The following BLTP3A variants were observed in gnomAD, a reference collection of about 807,000 sequenced individuals.
BLTP3A encodes the protein bridge-like lipid transfer protein family member 3A.
chr6:34,827,319 G>GA, the BLTP3A span, among the ~76,000 whole-genome samples: 3 of 149,010 alleles, frequency 2.0e-5, no homozygotes, highest in East Asian at 2.0e-4. Context: ...CAAAAAAAAA[G>GA]AAAAAAAACA....
chr6:34,858,330 T>C, the BLTP3A span: 3 of 1,614,104 alleles, frequency 1.9e-6, no homozygotes, highest in Non-Finnish European at 2.5e-6. Context: ...CAGGTGGCTT[T>C]AGCCTTCTGC....
At chr6:34,800,190 G>A in the BLTP3A span, among the ~76,000 whole-genome samples, 5 of 151,888 alleles carry the variant, frequency 3.3e-5, no homozygotes, top group African/African-American at 4.8e-5. Flanking sequence ...CTTATACAGC[G>A]TCTAAGAAGA....
At chr6:34,856,641 T>C in the BLTP3A span, 5 of 1,151,302 alleles carry the variant, frequency 4.3e-6, no homozygotes, top group Non-Finnish European at 4.8e-6. Context: ...AAGAATAATA[T>C]CATTTTTGAG....
chr6:34,830,306 C>T, the BLTP3A span, among the ~76,000 whole-genome samples: 4 of 150,856 alleles, frequency 2.7e-5, no homozygotes, highest in African/African-American at 4.9e-5. Flanking sequence ...CCCACAGAGC[C>T]GGCTGGGTGT....
chr6:34,861,059 TCTTC>T, the BLTP3A span, among the ~76,000 whole-genome samples: 67 of 152,184 alleles, frequency 4.4e-4, 1 homozygote, highest in African/African-American at 1.6e-3. Context: ...GCTGCTCTCT[TCTTC>T]CTTTTATCCT....
the BLTP3A span, chr6:34,834,775 A>G: frequency 1.9e-6 from 3 of 1,614,194 alleles, no homozygotes; most frequent in Non-Finnish European, 1.7e-6. Flanking sequence ...GGCAGATGCT[A>G]CAGACAATGG....
At chr6:34,816,035 G>T in the BLTP3A span, among the ~76,000 whole-genome samples, 1 of 152,184 alleles carries the variant, frequency 6.6e-6, no homozygotes, top group Non-Finnish European at 1.5e-5. Context: ...AACTGGCAAG[G>T]TTAGGATGAA....
At chr6:34,864,186 C>A in the BLTP3A span, 1 of 1,613,438 alleles carries the variant, frequency 6.2e-7, no homozygotes, top group Non-Finnish European at 8.5e-7. Flanking sequence ...CTTTGTGATG[C>A]TCTTGGAGTC....
the BLTP3A span, chr6:34,858,612 A>G: frequency 1.2e-6 from 2 of 1,614,114 alleles, no homozygotes; most frequent in South Asian, 1.1e-5. Context: ...GGCTGAAACC[A>G]TCAGCCAGTT....
chr6:34,817,565 G>C, the BLTP3A span, among the ~76,000 whole-genome samples: 4 of 152,134 alleles, frequency 2.6e-5, no homozygotes. Flanking sequence ...CCAGCAAGCA[G>C]CATAAGTATA....
At chr6:34,863,982 T>C in the BLTP3A span, 2 of 1,558,914 alleles carry the variant, frequency 1.3e-6, no homozygotes, top group South Asian at 2.4e-5. Context: ...TTTGTGGTTT[T>C]TGTTTTTTTT....
chr6:34,837,780 G>A, the BLTP3A span, among the ~76,000 whole-genome samples: 1 of 152,154 alleles, frequency 6.6e-6, no homozygotes, highest in Non-Finnish European at 1.5e-5. Flanking sequence ...TGCCACCACA[G>A]GAAATAATTT....
At chr6:34,822,233 C>T in the BLTP3A span, among the ~76,000 whole-genome samples, 2 of 150,890 alleles carry the variant, frequency 1.3e-5, no homozygotes, top group Non-Finnish European at 3.0e-5. Flanking sequence ...TACCCTTAGA[C>T]TTTTCTATCT....
At chr6:34,839,720 A>T in the BLTP3A span, among the ~76,000 whole-genome samples, 1 of 152,194 alleles carries the variant, frequency 6.6e-6, no homozygotes, top group African/African-American at 2.4e-5. Flanking sequence ...GCTCTCTCGC[A>T]CTGGCCCGGC....
the BLTP3A span, among the ~76,000 whole-genome samples, chr6:34,807,000 C>T: frequency 9.9e-5 from 15 of 152,136 alleles, no homozygotes; most frequent in Admixed American, 9.8e-4. Flanking sequence ...CAAGCAATGC[C>T]TGTTAGTGGA....
At chr6:34,834,109 TA>T in the BLTP3A span, 1 of 1,232,266 alleles carries the variant, frequency 8.1e-7, no homozygotes. Flanking sequence ...CTCAAAAAAA[TA>T]AAAAGACTAC....
the BLTP3A span, among the ~76,000 whole-genome samples, chr6:34,843,431 A>G: frequency 2.0e-5 from 3 of 152,222 alleles, no homozygotes; most frequent in African/African-American, 7.2e-5. Context: ...TCAATGAGTA[A>G]TAGTTTAAAA....
At chr6:34,792,538 C>T in the BLTP3A span, among the ~76,000 whole-genome samples, 1 of 152,186 alleles carries the variant, frequency 6.6e-6, no homozygotes, top group Non-Finnish European at 1.5e-5. Flanking sequence ...TGCCGCTAGT[C>T]TCTCCCCACT....
chr6:34,834,464 T>C, the BLTP3A span: 10 of 1,590,468 alleles, frequency 6.3e-6, no homozygotes, highest in Non-Finnish European at 8.6e-6. Context: ...GTCAGACTGA[T>C]TCTTAAAGGA....
Sources: allele counts gnomAD v4.1 joint callset (sites outside exome capture counted in the v4.1 genomes callset), GRCh38; gene constraint gnomAD v4.1.1; transcripts MANE v1.5; gene names NCBI Gene and HGNC (gene_info 2026-07-23, HGNC 2026-07-21).